Variants in EFCAB11 observed in about 807,000 individuals in gnomAD.
The protein encoded by EFCAB11 is EF-hand calcium binding domain 11, also known as EF-hand calcium-binding domain-containing protein 11.
In EFCAB11, 14 loss-of-function variants were observed where a neutral mutation model predicts 23.0. The ratio of observed to expected loss-of-function variants is 0.61; its 90% CI spans 0.40 to 0.95. The LOEUF (loss-of-function observed/expected upper bound fraction) is 0.95, where lower values mean the gene tolerates loss of function less well. Ranked by LOEUF, EFCAB11 falls within the 40% of genes least tolerant of loss-of-function variation. The pLI is 0.00. For synonymous variants in EFCAB11, 65 were observed against 66.6 expected (o/e 0.98, Z 0.11); for missense variants, 198 against 195.8 (o/e 1.01, Z -0.07).
At chr14:89,895,311 T>A (rs1206109050) in intron 5 of EFCAB11, among the ~76,000 whole-genome samples, 1 of 152,220 alleles carries the variant, frequency 6.6e-6, no homozygotes, top group East Asian at 1.9e-4. Flanking sequence ...GTAAAGTCAA[T>A]GTTAATCGAA....
rs1431488585 is a variant in EFCAB11 at position 89,795,898 on chromosome 14, G to C, written c.*1345C>G. 6.6e-6 allele frequency: 1 copy of C among 152,186 alleles called. No individual in the cohort carries two copies. The highest frequency in any genetic ancestry group is 1.5e-5 in the Non-Finnish European group (1 of 68,042). 9.4% of individuals were successfully genotyped at this position (152,186 alleles called of 1,614,324 possible). A position where few individuals can be genotyped will look rare whatever the true frequency, so the allele number is the denominator to read the frequency against. On this transcript the variant is annotated 3_prime_UTR_variant, in exon 6 of 6. Transcript: ENST00000316738. ...TATTTTGGAATTACCTTCACTAAAT[G>C]CTGAGTGTCCAGCATTGCTGTTCTT... is the stretch of plus-strand genomic sequence containing the variant.
chr14:89,926,031 T>C (rs1890182950), intron 5 of EFCAB11, among the ~76,000 whole-genome samples: 15 of 152,154 alleles, frequency 9.9e-5, no homozygotes, highest in Admixed American at 9.2e-4. Flanking sequence ...GGTTTCACCA[T>C]GTTGGCCAGG....
At chr14:89,816,464 T>C (rs1223964031) in intron 5 of EFCAB11, among the ~76,000 whole-genome samples, 2 of 152,210 alleles carry the variant, frequency 1.3e-5, no homozygotes, top group African/African-American at 4.8e-5. Context: ...AATATGTTCT[T>C]CTCATAATAC....
At chr14:89,907,402 G>A (rs551629207) in intron 5 of EFCAB11, among the ~76,000 whole-genome samples, 1 of 152,228 alleles carries the variant, frequency 6.6e-6, no homozygotes, top group African/African-American at 2.4e-5. Flanking sequence ...TTACAGTATT[G>A]CAGTATGAGG....
At chr14:89,879,528 A>G (rs1888539856) in intron 5 of EFCAB11, among the ~76,000 whole-genome samples, 1 of 152,130 alleles carries the variant, frequency 6.6e-6, no homozygotes, top group Non-Finnish European at 1.5e-5. Flanking sequence ...ACCCCTCCAA[A>G]AAAAAAATCA....
intron 5 of EFCAB11, among the ~76,000 whole-genome samples, chr14:89,925,225 G>A (rs992822649): frequency 1.3e-5 from 2 of 152,136 alleles, no homozygotes; most frequent in African/African-American, 4.8e-5. Context: ...CCACGCCAAG[G>A]GAAACACAGG....
chr14:89,816,481 T>G (rs979561282), intron 5 of EFCAB11, among the ~76,000 whole-genome samples: 1 of 152,204 alleles, frequency 6.6e-6, no homozygotes, highest in Non-Finnish European at 1.5e-5. Context: ...ATACAGTTAA[T>G]TCACTCCTAG....
chr14:89,815,724 G>A (rs1040732131), intron 5 of EFCAB11, among the ~76,000 whole-genome samples: 7 of 151,978 alleles, frequency 4.6e-5, no homozygotes, highest in East Asian at 1.9e-4. Flanking sequence ...GCGCCCGGCC[G>A]AAATCCTTTC....
chr14:89,929,099 T>A (rs1031667359), intron 5 of EFCAB11, among the ~76,000 whole-genome samples: 1 of 133,370 alleles, frequency 7.5e-6, no homozygotes, highest in Non-Finnish European at 1.6e-5. Context: ...CAGGCTGGGG[T>A]GCAGGGGTGC....
At chr14:89,816,121 A>G (rs1886329339) in intron 5 of EFCAB11, among the ~76,000 whole-genome samples, 1 of 151,846 alleles carries the variant, frequency 6.6e-6, no homozygotes, top group African/African-American at 2.4e-5. Flanking sequence ...ATTTCTTCCT[A>G]GGTATTTTAT....
intron 5 of EFCAB11, among the ~76,000 whole-genome samples, chr14:89,845,590 G>A (rs1387526793): frequency 6.6e-6 from 1 of 152,124 alleles, no homozygotes; most frequent in Non-Finnish European, 1.5e-5. Context: ...GGAATGAAAC[G>A]GCTCTCATGC....
At chr14:89,837,489 G>C (rs1596392966) in intron 5 of EFCAB11, among the ~76,000 whole-genome samples, 3 of 152,258 alleles carry the variant, frequency 2.0e-5, no homozygotes, top group Middle Eastern at 3.4e-3. Flanking sequence ...TTGCCCTTTA[G>C]AGCCTGCTGT....
chr14:89,823,204 G>T (rs1802139962), intron 5 of EFCAB11, among the ~76,000 whole-genome samples: 1 of 152,180 alleles, frequency 6.6e-6, no homozygotes, highest in African/African-American at 2.4e-5. Context: ...GCTTGAAGAT[G>T]CAGAGGATCA....
intron 5 of EFCAB11, among the ~76,000 whole-genome samples, chr14:89,861,762 A>G (rs558223393): frequency 5.9e-5 from 9 of 152,304 alleles, no homozygotes; most frequent in Admixed American, 5.9e-4. Context: ...GAGCTGACAT[A>G]CATGCTCTTG....
chr14:89,912,741 G>T (rs1335131935), intron 5 of EFCAB11, among the ~76,000 whole-genome samples: 2 of 152,132 alleles, frequency 1.3e-5, no homozygotes, highest in Non-Finnish European at 2.9e-5. Flanking sequence ...AGAATGCTAG[G>T]CAGTTGCTTA....
At position 89,881,452 on chromosome 14, in the gene EFCAB11, C is replaced by CATATATATATATATATATACATAT. The variant is rs10530483; in HGVS notation, c.410+50088_410+50089insATATGTATATATATATATATATAT. 6.4e-5 allele frequency among the ~76,000 whole-genome samples: 3 copies of CATATATATATATATATATACATAT among 46,760 alleles called. 1 individual carries two copies. Among genetic ancestry groups the CATATATATATATATATATACATAT allele is most frequent in the African/African-American group, 2.1e-4 (3 of 13,980 alleles). The allele number at this position is 46,760 out of a possible 152,430, so 30.7% of individuals were successfully genotyped here. A position where few individuals can be genotyped will look rare whatever the true frequency, so the allele number is the denominator to read the frequency against. ...ATTTTTGGTCTACTTTATGACTTGG[C>CATATATATATATATATATACATAT]ATATATATATATATTCTTTTTTTTT... On this transcript the variant is annotated intron_variant, in intron 5 of 5. Coordinates refer to ENST00000316738, the MANE Select transcript of EFCAB11 (RefSeq NM_145231.4).
chr14:89,866,465 G>A (rs900411544), intron 5 of EFCAB11, among the ~76,000 whole-genome samples: 1 of 152,220 alleles, frequency 6.6e-6, no homozygotes, highest in African/African-American at 2.4e-5. Flanking sequence ...CTGCCTCCTG[G>A]CCTCTCCAAG....
Position 89,795,014 on chromosome 14 carries a change from G to T in EFCAB11, c.*2229C>A. On this transcript the variant is annotated 3_prime_UTR_variant, in exon 6 of 6. Coordinates refer to ENST00000316738, the MANE Select transcript of EFCAB11 (RefSeq NM_145231.4). ...TTTTTTTGAGAGGGAGTCTCGCTCTGTTGCCCAGACTGGAGTGCAGTGGCA... is the reference window on the plus strand; with the variant it reads ...TTTTTTTGAGAGGGAGTCTCGCTCTTTTGCCCAGACTGGAGTGCAGTGGCA... The T allele has an allele frequency of 9.4e-6, 1 of 106,748 alleles. No homozygotes were observed. The highest frequency in any genetic ancestry group is 3.7e-5 in the African/African-American group (1 of 27,124). 6.6% of individuals were successfully genotyped at this position (106,748 alleles called of 1,614,324 possible).
intron 3 of EFCAB11, among the ~76,000 whole-genome samples, chr14:89,939,032 T>C (rs1355260806): frequency 2.0e-5 from 3 of 151,654 alleles, no homozygotes; most frequent in African/African-American, 7.3e-5. Context: ...TAAAATCTTA[T>C]TTCTATCAAA....
Sources: gnomAD v4.1 joint callset for allele counts (sites outside exome capture counted in the v4.1 genomes callset) on GRCh38, gnomAD v4.1.1 for gene constraint, MANE v1.5 for transcripts, NCBI Gene and HGNC (gene_info 2026-07-23, HGNC 2026-07-21) for gene names.